DPP4: variants seen among roughly 807,000 people sequenced by gnomAD.
DPP4 encodes ADCP-2.
A neutral mutation model predicts 122.4 loss-of-function variants in DPP4; 93 were observed. That is an observed-to-expected ratio of 0.76 (90% CI 0.64 to 0.90). The LOEUF is 0.90. Ranked by LOEUF, DPP4 falls within the 40% of genes least tolerant of loss-of-function variation. DPP4 has a pLI of 0.00. For synonymous variants in DPP4, 321 were observed against 302.9 expected (o/e 1.06, Z -0.62); for missense variants, 914 against 907.3 (o/e 1.01, Z -0.09).
At chr2:162,035,486 A>G (rs980636154) in intron 8 of DPP4, among the ~76,000 whole-genome samples, 162 bp from the exon 9 acceptor site, 3 of 152,224 alleles carry the variant, frequency 2.0e-5, no homozygotes, top group Non-Finnish European at 4.4e-5. Context: ...ACAAATGAAT[A>G]AAAATAAAAT....
chr2:162,049,996 G>A (rs1417346799), intron 2 of DPP4, among the ~76,000 whole-genome samples: 2 of 152,194 alleles, frequency 1.3e-5, no homozygotes, highest in African/African-American at 4.8e-5. Flanking sequence ...AAGTTAGTAG[G>A]AGATTTGTGT....
At chr2:162,019,077 T>C (rs1683716626) in intron 15 of DPP4, 146 bp downstream of exon 15, 1 of 914,546 alleles carries the variant, frequency 1.1e-6, no homozygotes, top group Non-Finnish European at 1.8e-6. Flanking sequence ...CTTGTGGACA[T>C]GTAGATTGAT....
intron 20 of DPP4, among the ~76,000 whole-genome samples, chr2:162,009,943 AT>A (rs1466716099): frequency 6.7e-6 from 1 of 150,298 alleles, no homozygotes; most frequent in African/African-American, 2.5e-5. Context: ...GTATGCACCT[AT>A]TTCTTAATAT....
At chr2:162,038,178 G>T in intron 8 of DPP4, 124 bp downstream of exon 8, 3 of 934,898 alleles carry the variant, frequency 3.2e-6, no homozygotes, top group African/African-American at 1.7e-5. Flanking sequence ...AGAGAAATCT[G>T]ATGACATTTT....
At chr2:162,011,746 G>C in intron 20 of DPP4, 47 bp downstream of exon 20, 1 of 1,578,254 alleles carries the variant, frequency 6.3e-7, no homozygotes, top group Non-Finnish European at 8.6e-7. Flanking sequence ...AATTTTAAAG[G>C]GGAAAAAAAA....
At chr2:162,017,351 A>G (rs1019394815) in intron 16 of DPP4, 196 bp from the exon 17 acceptor site, 2 of 573,420 alleles carry the variant, frequency 3.5e-6, no homozygotes, top group Non-Finnish European at 6.2e-6. Context: ...TTTCAGTGTA[A>G]GAAGTATTAC....
intron 9 of DPP4, among the ~76,000 whole-genome samples, chr2:162,034,609 A>G (rs1012838326): frequency 6.6e-6 from 1 of 152,212 alleles, no homozygotes; most frequent in Non-Finnish European, 1.5e-5. Context: ...TACGCTGCTT[A>G]ACAAAGCTCC....
In DPP4 at chr2:162,047,592, C is replaced by T. The variant is rs1576063758; in HGVS notation, c.95-91G>A. On this transcript the variant is annotated intron_variant, in intron 2 of 25. Transcript: ENST00000360534. ...TAAACAAATGGATCTCTACAATATA[C>T]CCTGCTCAAAAAATTCAGAAATATA... 17 of 809,480 alleles carry T rather than the reference C, an allele frequency of 2.1e-5. No individual in the cohort carries two copies. In the East Asian group the frequency reaches 4.3e-4, roughly 21 times the overall value. 50.1% of individuals were successfully genotyped at this position (809,480 alleles called of 1,614,324 possible). A position where few individuals can be genotyped will look rare whatever the true frequency, so the allele number is the denominator to read the frequency against.
At chr2:162,049,647 A>C (rs978311729) in intron 2 of DPP4, among the ~76,000 whole-genome samples, 1 of 152,178 alleles carries the variant, frequency 6.6e-6, no homozygotes, top group Non-Finnish European at 1.5e-5. Context: ...TTAAAATAAA[A>C]GTTGAAAGAA....
At chr2:162,036,433 C>T (rs1392034760) in intron 8 of DPP4, among the ~76,000 whole-genome samples, 1 of 152,128 alleles carries the variant, frequency 6.6e-6, no homozygotes, top group Non-Finnish European at 1.5e-5. Flanking sequence ...TGACATCTAT[C>T]ATCTCAGTTA....
At chr2:162,022,881 A>G (rs1683184781) in intron 11 of DPP4, 82 bp from the exon 12 acceptor site, 4 of 1,366,948 alleles carry the variant, frequency 2.9e-6, no homozygotes, top group Non-Finnish European at 3.1e-6. Context: ...TAATATAAAT[A>G]GAGCTGTACT....
intron 2 of DPP4, among the ~76,000 whole-genome samples, chr2:162,063,854 T>C (rs1284367764): frequency 6.6e-6 from 1 of 152,106 alleles, no homozygotes; most frequent in Admixed American, 6.5e-5. Flanking sequence ...TTCTTATTTT[T>C]TAAGAATATG....
chr2:162,057,636 A>G (rs141508928), intron 2 of DPP4, among the ~76,000 whole-genome samples: 16 of 152,064 alleles, frequency 1.1e-4, no homozygotes, highest in African/African-American at 3.1e-4. Flanking sequence ...GGGATTATAA[A>G]CCTTAGAGCT....
rs1683009605 is a variant in DPP4, at chr2:162,018,736, T to A, written c.1413A>T (p.Arg471Ser). 3 of 1,613,812 alleles carry A rather than the reference T, an allele frequency of 1.9e-6. No homozygotes were observed. The highest frequency in any genetic ancestry group is 1.7e-6 in the Non-Finnish European group (2 of 1,179,992). ...CAGGGAGCTCAGACTTACCGGAACA[T>A]CTCAGCTGATAATACTTCGCCTCTT... ...FSKEAKYYQLRCSGPGLPLYT... is the reference protein window; with the variant it reads ...FSKEAKYYQLSCSGPGLPLYT... The change falls in exon 16 of 26, where the codon AGA (arginine) becomes AGT (serine). Residue 471 changes from arginine (R) to serine (S), a missense_variant. Arg to Ser is a moderately radical substitution (Grantham distance 110). Transcript: ENST00000360534.
chr2:162,061,006 C>CTCCTTCCTTCCTTCCTTCCTTCCT (rs1235608036), intron 2 of DPP4, among the ~76,000 whole-genome samples: 66 of 81,534 alleles, frequency 8.1e-4, no homozygotes, highest in African/African-American at 3.8e-3. Context: ...CCCTCCCTCC[C>CTCCTTCCTTCCTTCCTTCCTTCCT]TCCTTCCTTC....
intron 10 of DPP4, 134 bp from the exon 11 acceptor site, chr2:162,025,073 G>T: frequency 1.1e-6 from 1 of 936,224 alleles, no homozygotes; most frequent in Non-Finnish European, 1.5e-6. Flanking sequence ...AATGGTTAAT[G>T]AAACCATTTA....
At chr2:162,057,688 C>T (rs532628506) in intron 2 of DPP4, among the ~76,000 whole-genome samples, 23 of 152,324 alleles carry the variant, frequency 1.5e-4, no homozygotes, top group Non-Finnish European at 2.1e-4. Flanking sequence ...TGCAGTTACA[C>T]TTTCTCAGTT....
chr2:162,015,571 CT>C (rs1369853914), intron 18 of DPP4, among the ~76,000 whole-genome samples: 5 of 152,102 alleles, frequency 3.3e-5, no homozygotes, highest in Non-Finnish European at 7.4e-5. Context: ...GATGTATAGT[CT>C]TTGGTTTGGG....
chr2:162,047,529 A>ATTTCAGTAAGATGGAATAAC (rs1453109157), intron 2 of DPP4, 28 bp from the exon 3 acceptor site: 1 of 1,471,544 alleles, frequency 6.8e-7, no homozygotes, highest in Non-Finnish European at 9.3e-7. Context: ...CCAAATGTTC[A>ATTTCAGTAAGATGGAATAAC]TTTCAGTAAG....
Sources: allele counts gnomAD v4.1 joint callset (sites outside exome capture counted in the v4.1 genomes callset), GRCh38; gene constraint gnomAD v4.1.1; transcripts MANE v1.5; gene names NCBI Gene and HGNC (gene_info 2026-07-23, HGNC 2026-07-21).